TNRC6B: variants seen among roughly 807,000 people sequenced by gnomAD.
TNRC6B encodes trinucleotide repeat containing adaptor 6B.
In TNRC6B, 52 loss-of-function variants were observed where a neutral mutation model predicts 203.6. The observed-to-expected ratio is 0.26, with a 90% CI of 0.20 to 0.32. TNRC6B has a LOEUF of 0.32. TNRC6B is among the 10% of genes least tolerant of loss of function. The pLI is 1.00. For missense variants in TNRC6B, 1,923 were observed against 2,286.2 expected (o/e 0.84, Z 3.24); for synonymous variants, 838 against 845.7 (o/e 0.99, Z 0.16).
chr22:40,150,693 C>T (rs968026921), intron 3 of TNRC6B, among the ~76,000 whole-genome samples: 6 of 152,246 alleles, frequency 3.9e-5, no homozygotes, highest in African/African-American at 1.4e-4. Flanking sequence ...TAAAAGGCTA[C>T]ATGCTGACAT....
chr22:40,123,048 G>A (rs940515306), intron 2 of TNRC6B, among the ~76,000 whole-genome samples: 3 of 152,272 alleles, frequency 2.0e-5, no homozygotes, highest in South Asian at 2.1e-4. Flanking sequence ...TCAGCCACTG[G>A]GTGGTTCAGT....
At chr22:40,058,537 C>G (rs186103510) in intron 1 of TNRC6B, among the ~76,000 whole-genome samples, 66 of 152,322 alleles carry the variant, frequency 4.3e-4, no homozygotes, top group Non-Finnish European at 9.3e-4. Flanking sequence ...CAGACAGTCT[C>G]TAGACTGACT....
At chr22:40,102,018 A>G (rs1172786978) in intron 1 of TNRC6B, among the ~76,000 whole-genome samples, 1 of 152,194 alleles carries the variant, frequency 6.6e-6, no homozygotes, top group Non-Finnish European at 1.5e-5. Flanking sequence ...ACTAGTTTGG[A>G]TAGCATTTTA....
At position 40,266,137 on chromosome 22, in the gene TNRC6B, T is replaced by C. The variant is rs768659352; in HGVS notation, c.1907T>C (p.Ile636Thr). ...ATTAAGCAGGACACAGTGTGGGACA[T>C]TGAAGAGGTGCCAAGGCCTGAGGGG... ...TQIKQDTVWD[I>T]EEVPRPEGKS... is the part of the protein sequence containing the mutation. The change falls in exon 5 of 23, where the codon ATT becomes ACT. Residue 636 changes from isoleucine to threonine, a missense_variant. This residue lies in a region of TNRC6B where 38 missense variants were observed against 70.3 expected (regional missense o/e 0.54). Coordinates refer to ENST00000454349, the MANE Select transcript of TNRC6B (RefSeq NM_001162501.2). 8.7e-6 allele frequency: 14 copies of C among 1,613,840 alleles called. No homozygotes were observed. Among genetic ancestry groups the C allele is most frequent in the Admixed American group, 1.7e-5 (1 of 60,006 alleles).
chr22:40,333,563 C>T lies in TNRC6B; in HGVS notation c.*10322C>T, dbSNP rs963740820. Reference sequence around the variant, plus strand: ...ACACACCCCTTGAGTAACTCAGTATCATTTTGTAGTTCACAGAAGGATGTA... The same window carrying T: ...ACACACCCCTTGAGTAACTCAGTATTATTTTGTAGTTCACAGAAGGATGTA... On this transcript the variant is annotated 3_prime_UTR_variant, in exon 23 of 23. Coordinates refer to ENST00000454349, the MANE Select transcript of TNRC6B (RefSeq NM_001162501.2). 7.2e-5 allele frequency: 11 copies of T among 152,610 alleles called. No homozygotes were observed. Among genetic ancestry groups the T allele is most frequent in the Non-Finnish European group, 1.5e-4 (10 of 68,048 alleles). The allele number at this position is 152,610 out of a possible 1,614,324, so 9.5% of individuals were successfully genotyped here.
chr22:40,084,224 G>C (rs1295768822), intron 1 of TNRC6B, among the ~76,000 whole-genome samples: 1 of 152,134 alleles, frequency 6.6e-6, no homozygotes, highest in Non-Finnish European at 1.5e-5. Context: ...TGGGGTCAAG[G>C]GGTAGAAGGA....
At chr22:40,177,817 C>T, upstream of TNRC6B, 1 of 1,297,318 alleles carries the variant, frequency 7.7e-7, no homozygotes, top group South Asian at 2.6e-5. Flanking sequence ...GGCTGCTTCC[C>T]CTTTAAGGCA....
rs557863708 is a variant in TNRC6B at position 40,297,299 on chromosome 22, A to G, written c.3709-3156A>G. On this transcript the variant is annotated intron_variant, in intron 12 of 22. Transcript: ENST00000454349. Reference sequence around the variant, plus strand: ...TATTGAAAGGAAGCTTTAGCGGCATATGACTAGATTATCCTCAGCTCTATC... The same window carrying G: ...TATTGAAAGGAAGCTTTAGCGGCATGTGACTAGATTATCCTCAGCTCTATC... Among the ~76,000 whole-genome samples the G allele has an allele frequency of 7.4e-4, 113 of 152,340 alleles. 1 individual carries two copies. Among genetic ancestry groups the G allele is most frequent in the African/African-American group, 2.4e-3 (101 of 41,582 alleles).
intron 1 of TNRC6B, among the ~76,000 whole-genome samples, chr22:40,099,773 C>T (rs1488719137): frequency 2.0e-5 from 3 of 152,080 alleles, no homozygotes; most frequent in Non-Finnish European, 2.9e-5. Context: ...TTTTTTGAAA[C>T]GGAGTCTCGC....
chr22:40,132,969 A>ATATATATATATATAT (rs1555884686), intron 3 of TNRC6B, among the ~76,000 whole-genome samples: 4 of 78,186 alleles, frequency 5.1e-5, no homozygotes, highest in African/African-American at 7.9e-5. Flanking sequence ...AAAAAAAAAA[A>ATATATATATATATAT]ATATATATAT....
intron 3 of TNRC6B, among the ~76,000 whole-genome samples, chr22:40,133,840 T>G (rs1380473945): frequency 6.6e-6 from 1 of 151,210 alleles, no homozygotes; most frequent in Non-Finnish European, 1.5e-5. Flanking sequence ...CATGGTGGCA[T>G]GTGCCTGTAA....
At chr22:40,189,431 A>G (rs2069243774) in intron 1 of TNRC6B, among the ~76,000 whole-genome samples, 1 of 151,258 alleles carries the variant, frequency 6.6e-6, no homozygotes, top group African/African-American at 2.4e-5. Context: ...TTCAGAACAC[A>G]CTTCAGTACA....
chr22:40,142,394 G>A (rs1351543252), intron 3 of TNRC6B, among the ~76,000 whole-genome samples: 1 of 152,056 alleles, frequency 6.6e-6, no homozygotes, highest in Non-Finnish European at 1.5e-5. Flanking sequence ...TCTGTTTCAT[G>A]AAGCCCAGGG....
At chr22:40,132,943 C>CAAAAATAAAAAAAA (rs1292227314) in intron 3 of TNRC6B, among the ~76,000 whole-genome samples, 1 of 23,870 alleles carries the variant, frequency 4.2e-5, no homozygotes, top group African/African-American at 2.6e-4. Flanking sequence ...GACTCTGTCT[C>CAAAAATAAAAAAAA]AAAAAAAAAA....
chr22:40,110,134 A>ACC (rs1424232692), intron 1 of TNRC6B, among the ~76,000 whole-genome samples: 2 of 152,238 alleles, frequency 1.3e-5, no homozygotes, highest in African/African-American at 4.8e-5. Flanking sequence ...TAACATGTTA[A>ACC]TCTGCTTAAT....
intron 1 of TNRC6B, among the ~76,000 whole-genome samples, chr22:40,218,547 C>G (rs914910783): frequency 6.6e-6 from 1 of 151,896 alleles, no homozygotes; most frequent in Non-Finnish European, 1.5e-5. Flanking sequence ...AGGCTAGTCT[C>G]GAACTGCTGG....
intron 1 of TNRC6B, among the ~76,000 whole-genome samples, chr22:40,116,476 G>C (rs1036515896): frequency 2.0e-5 from 3 of 152,138 alleles, no homozygotes; most frequent in Admixed American, 2.0e-4. Flanking sequence ...GCATTTACTA[G>C]CAACTTGCTA....
In TNRC6B at chr22:40,326,289, A is replaced by G. The variant is rs1435109583; in HGVS notation, c.*3048A>G. The G allele has an allele frequency of 4.6e-5, 7 of 152,748 alleles. No individual in the cohort carries two copies. In the East Asian group the frequency reaches 1.3e-3, roughly 29 times the overall value. 9.5% of individuals were successfully genotyped at this position (152,748 alleles called of 1,614,324 possible). A position where few individuals can be genotyped will look rare whatever the true frequency, so the allele number is the denominator to read the frequency against. ...CTTTTACAAGTTCCTGAAACTTCAG[A>G]AAGTTTAAACAATTTTTACTTAAAA... On this transcript the variant is annotated 3_prime_UTR_variant, in exon 23 of 23. Transcript: ENST00000454349.
intron 1 of TNRC6B, among the ~76,000 whole-genome samples, chr22:40,188,554 C>T (rs935862115): frequency 2.0e-5 from 3 of 152,098 alleles, no homozygotes; most frequent in African/African-American, 4.8e-5. Context: ...AGCAGGTGAT[C>T]GCGTGTGCTC....
Sources: gnomAD v4.1 joint callset for allele counts (sites outside exome capture counted in the v4.1 genomes callset) on GRCh38, gnomAD v4.1.1 for gene constraint, gnomAD v4.1.1 regional missense constraint, MANE v1.5 for transcripts, NCBI Gene and HGNC (gene_info 2026-07-23, HGNC 2026-07-21) for gene names.